LRRC53: variants seen among roughly 807,000 people sequenced by gnomAD.
LRRC53 encodes the protein leucine rich repeat containing 53.
In LRRC53, 25 loss-of-function variants were observed where a neutral mutation model predicts 13.6. The ratio of observed to expected loss-of-function variants is 1.83; its 90% CI spans 1.34 to 2.56. The LOEUF (loss-of-function observed/expected upper bound fraction) is 2.56. Among genes scored for constraint, LRRC53 ranks in the 30% most tolerant of loss-of-function variants. LRRC53 has a pLI of 0.00. For synonymous variants in LRRC53, 204 were observed against 109.8 expected, an observed-to-expected ratio of 1.86 and a Z score of -5.37; for missense variants, 527 against 275.8, an observed-to-expected ratio of 1.91 and a Z score of -6.45.
the LRRC53 span, among the ~76,000 whole-genome samples, chr1:74,528,240 A>T: frequency 6.6e-6 from 1 of 152,258 alleles, no homozygotes; most frequent in African/African-American, 2.4e-5. Context: ...AGGGTGGTGA[A>T]GAAGGTGTAC....
At chr1:74,493,369 C>T (rs1669170916) in intron 1 of LRRC53, among the ~76,000 whole-genome samples, 1 of 152,120 alleles carries the variant, frequency 6.6e-6, no homozygotes, top group East Asian at 1.9e-4. Context: ...GTGAACTTTA[C>T]CTCGATGAAA....
At chr1:74,493,411 AG>A (rs1669173743) in intron 1 of LRRC53, among the ~76,000 whole-genome samples, 1 of 152,222 alleles carries the variant, frequency 6.6e-6, no homozygotes, top group Non-Finnish European at 1.5e-5. Flanking sequence ...TTAAGCAAAA[AG>A]GTAAGTCAGA....
chr1:74,517,194 A>T (rs1048924437), upstream of LRRC53, among the ~76,000 whole-genome samples: 3 of 151,580 alleles, frequency 2.0e-5, no homozygotes, highest in Non-Finnish European at 2.9e-5. Flanking sequence ...GTAACTCTTT[A>T]AAAAAAAAGG....
At chr1:74,525,929 C>T in the LRRC53 span, among the ~76,000 whole-genome samples, 2 of 152,128 alleles carry the variant, frequency 1.3e-5, no homozygotes, top group Non-Finnish European at 2.9e-5. Flanking sequence ...ACCCCAGCTA[C>T]ATAATATCAT....
intron 1 of LRRC53, among the ~76,000 whole-genome samples, chr1:74,499,182 G>A (rs1669482335): frequency 6.6e-6 from 1 of 152,112 alleles, no homozygotes; most frequent in South Asian, 2.1e-4. Context: ...CCTGCAAATG[G>A]GACCATGTCT....
intron 2 of LRRC53, 100 bp downstream of exon 2, chr1:74,483,162 C>T: frequency 1.5e-6 from 1 of 655,484 alleles, no homozygotes; most frequent in Non-Finnish European, 2.8e-6. Context: ...AGGGTTACCT[C>T]TTAAGCTGAG....
chr1:74,492,679 AAAAT>A (rs1351335471), intron 1 of LRRC53, among the ~76,000 whole-genome samples: 2 of 152,200 alleles, frequency 1.3e-5, no homozygotes, highest in Non-Finnish European at 2.9e-5. Context: ...AATATACCCT[AAAAT>A]TGGAAATAGG....
At chr1:74,477,991 C>T (rs1668290434) in intron 3 of LRRC53, among the ~76,000 whole-genome samples, 1 of 152,064 alleles carries the variant, frequency 6.6e-6, no homozygotes, top group Admixed American at 6.6e-5. Context: ...GTGTTTGATG[C>T]CAAATAACCA....
At chr1:74,503,986 A>G (rs1169231552) in intron 1 of LRRC53, among the ~76,000 whole-genome samples, 1 of 152,184 alleles carries the variant, frequency 6.6e-6, no homozygotes, top group African/African-American at 2.4e-5. Flanking sequence ...CAAAGTTAAA[A>G]CTATCTCCAT....
chr1:74,493,400 A>G (rs1475452598), intron 1 of LRRC53, among the ~76,000 whole-genome samples: 3 of 152,206 alleles, frequency 2.0e-5, no homozygotes, highest in Non-Finnish European at 4.4e-5. Flanking sequence ...AAACAAAAAG[A>G]TTAAGCAAAA....
chr1:74,519,574 A>T, the LRRC53 span, among the ~76,000 whole-genome samples: 3 of 152,146 alleles, frequency 2.0e-5, no homozygotes, highest in Non-Finnish European at 4.4e-5. Flanking sequence ...TGATTGCCTT[A>T]CTTTAAAAGT....
chr1:74,495,451 T>A (rs1485857273), intron 1 of LRRC53, among the ~76,000 whole-genome samples: 2 of 152,156 alleles, frequency 1.3e-5, no homozygotes, highest in East Asian at 1.9e-4. Flanking sequence ...GAATAAAAAA[T>A]TGGATAAATT....
rs2100747738 is a variant in LRRC53 at position 74,475,432 on chromosome 1, G to A, written c.1283C>T (p.Pro428Leu). The A allele has an allele frequency of 1.4e-6, 1 of 717,124 alleles. No homozygotes were observed. The highest frequency in any genetic ancestry group is 2.0e-5 in the Admixed American group (1 of 49,970). 44.4% of individuals were successfully genotyped at this position (717,124 alleles called of 1,614,324 possible). Reference sequence around the variant, plus strand: ...ATTAAAAGCTCTCATATTTCCAGGAGGCTCTGAACATTCCGAATGCAGCAA... The same window carrying A: ...ATTAAAAGCTCTCATATTTCCAGGAAGCTCTGAACATTCCGAATGCAGCAA... Reference protein sequence around the residue: ...GRLLHSECSEPPGNMRAFNEA... With the variant: ...GRLLHSECSELPGNMRAFNEA... The change falls in exon 4 of 5, where the codon CCT becomes CTT. Residue 428 changes from proline (P) to leucine (L), a missense_variant. Coordinates refer to ENST00000294635, the MANE Select transcript of LRRC53 (RefSeq NM_001382280.1).
intron 2 of LRRC53, among the ~76,000 whole-genome samples, chr1:74,482,380 A>G (rs557434710): frequency 3.1e-4 from 47 of 152,360 alleles, no homozygotes; most frequent in African/African-American, 8.7e-4. Context: ...ACAGACATCA[A>G]CTGTCTCTGA....
At chr1:74,482,102 T>C (rs1203364553) in intron 2 of LRRC53, among the ~76,000 whole-genome samples, 10 of 152,332 alleles carry the variant, frequency 6.6e-5, no homozygotes, top group African/African-American at 2.4e-4. Flanking sequence ...CAGTTCGGCA[T>C]TTTGTTTCTC....
upstream of LRRC53, among the ~76,000 whole-genome samples, chr1:74,516,049 A>G (rs1437911725): frequency 6.6e-6 from 1 of 152,228 alleles, no homozygotes; most frequent in Non-Finnish European, 1.5e-5. Flanking sequence ...AGGACAATCA[A>G]CTTACTGGTG....
chr1:74,521,431 G>A, the LRRC53 span, among the ~76,000 whole-genome samples: 1 of 152,000 alleles, frequency 6.6e-6, no homozygotes, highest in African/African-American at 2.4e-5. Context: ...ACTATTTTAT[G>A]AAATATGTAT....
chr1:74,475,370 C>T lies in LRRC53; in HGVS notation c.1345G>A (p.Val449Ile). The change falls in exon 4 of 5, where the codon GTT (valine) becomes ATT (isoleucine). Residue 449 changes from valine (V) to isoleucine (I), a missense_variant. Val to Ile is a conservative substitution (Grantham distance 29, BLOSUM62 3). Coordinates refer to ENST00000294635, the MANE Select transcript of LRRC53 (RefSeq NM_001382280.1). ...GLLTTYNPRK[V>I]QKLWNLEPGE... Reference sequence around the variant, plus strand: ...GGCTCAAGATTCCATAGCTTTTGAACTTTCCTTGGATTATATGTTGTAAGT... The same window carrying T: ...GGCTCAAGATTCCATAGCTTTTGAATTTTCCTTGGATTATATGTTGTAAGT... The T allele has an allele frequency of 1.4e-6, 1 of 716,342 alleles. No individual in the cohort carries two copies. Among genetic ancestry groups the T allele is most frequent in the Admixed American group, 2.0e-5 (1 of 49,808 alleles). 44.4% of individuals were successfully genotyped at this position (716,342 alleles called of 1,614,324 possible).
chr1:74,511,286 G>C (rs577478862), intron 1 of LRRC53, among the ~76,000 whole-genome samples: 5 of 151,602 alleles, frequency 3.3e-5, no homozygotes, highest in Admixed American at 6.6e-5. Flanking sequence ...TCTGCCTCCC[G>C]GGTTCAAGCA....
Sources: allele counts gnomAD v4.1 joint callset (sites outside exome capture counted in the v4.1 genomes callset), GRCh38; gene constraint gnomAD v4.1.1; transcripts MANE v1.5; gene names NCBI Gene and HGNC (gene_info 2026-07-23, HGNC 2026-07-21).